The following COL25A1 variants were observed in gnomAD, a reference collection of about 807,000 sequenced individuals.
The protein encoded by COL25A1 is collagen type XXV alpha 1 chain, also known as collagen alpha-1(XXV) chain.
A neutral mutation model predicts 128.4 loss-of-function variants in COL25A1; 103 were observed. That is an observed-to-expected ratio of 0.80 (90% CI 0.68 to 0.94). COL25A1 has a LOEUF of 0.94. COL25A1 is among the 40% of genes least tolerant of loss of function. The pLI is 0.00. For synonymous variants in COL25A1, 279 were observed against 277.2 expected, an observed-to-expected ratio of 1.01 and a Z score of -0.06; for missense variants, 745 against 840.0, an observed-to-expected ratio of 0.89 and a Z score of 1.40.
At position 108,844,511 on chromosome 4, in the gene COL25A1, A is replaced by G. The variant is rs749074066; in HGVS notation, c.1629+8T>C. The G allele has an allele frequency of 6.2e-7, 1 of 1,614,120 alleles. No individual in the cohort carries two copies. ...AGCAATTACATTTCAGAAAGAAGGG[A>G]AACTTACCATGGGGCCAGGTGGGCC... On this transcript the variant is annotated splice_region_variant and intron_variant, in intron 30 of 37. Transcript: ENST00000399132.
At chr4:109,044,803 A>G (rs1406196789) in intron 5 of COL25A1, among the ~76,000 whole-genome samples, 2 of 152,138 alleles carry the variant, frequency 1.3e-5, no homozygotes, top group East Asian at 3.8e-4. Context: ...ACTTGAGGAG[A>G]TAGTTGAATA....
intron 3 of COL25A1, among the ~76,000 whole-genome samples, chr4:109,252,387 T>C (rs570976026): frequency 6.6e-6 from 1 of 152,202 alleles, no homozygotes; most frequent in African/African-American, 2.4e-5. Context: ...GCTGAGCCCA[T>C]GTATAACCTC....
chr4:109,164,920 T>C (rs562926678), intron 3 of COL25A1, among the ~76,000 whole-genome samples: 43 of 152,308 alleles, frequency 2.8e-4, no homozygotes, highest in African/African-American at 9.9e-4. Flanking sequence ...CTAAGTCTGG[T>C]TGGATGTCTT....
intron 11 of COL25A1, among the ~76,000 whole-genome samples, chr4:108,921,175 T>C (rs1159341737): frequency 2.0e-5 from 3 of 152,162 alleles, no homozygotes; most frequent in Non-Finnish European, 4.4e-5. Context: ...GAGTATATAC[T>C]AGAAAAGGGA....
intron 5 of COL25A1, among the ~76,000 whole-genome samples, chr4:109,020,507 G>A (rs1215066030): frequency 2.8e-3 from 1 of 354 alleles, no homozygotes; most frequent in African/African-American, 6.2e-3. Context: ...AGATTATTAT[G>A]GGGGGGGGGG....
intron 6 of COL25A1, among the ~76,000 whole-genome samples, chr4:108,979,289 T>C (rs1348827965): frequency 3.3e-5 from 5 of 152,224 alleles, no homozygotes; most frequent in African/African-American, 1.2e-4. Context: ...TCCTATGCTC[T>C]ATTGTCTATT....
At chr4:109,083,045 TA>T (rs1763995289) in intron 3 of COL25A1, among the ~76,000 whole-genome samples, 1 of 152,186 alleles carries the variant, frequency 6.6e-6, no homozygotes, top group Admixed American at 6.5e-5. Context: ...ATTTCTAAAA[TA>T]AAACTTTGTA....
chr4:109,237,619 A>G (rs985812712), intron 3 of COL25A1, among the ~76,000 whole-genome samples: 6 of 148,970 alleles, frequency 4.0e-5, no homozygotes, highest in Non-Finnish European at 2.9e-5. Context: ...CTTGATGGCA[A>G]TCTTTTTTTT....
chr4:109,225,996 TACACAC>T lies in COL25A1; in HGVS notation c.367+74581_367+74586del, dbSNP rs10642927. ...CAATAGTATTCCGTTGTATTTGTAA[TACACAC>T]ACACACACACACACACACACACACA... On this transcript the variant is annotated intron_variant, in intron 3 of 37. Coordinates refer to ENST00000399132, the MANE Select transcript of COL25A1 (RefSeq NM_198721.4). Among the ~76,000 whole-genome samples, 469 of 147,048 alleles carry T rather than the reference TACACAC, an allele frequency of 3.2e-3. 1 individual carries two copies. Among genetic ancestry groups the T allele is most frequent in the East Asian group, 9.1e-3 (46 of 5,044 alleles).
rs927503572 is a variant in COL25A1, at chr4:109,302,169, C to T, written c.-57G>A. ...GTCAAGCCCACGAGCGGATACGGACCCCTGCCTTGCTCAGCGTCCAGACCC... is the reference window on the plus strand; with the variant it reads ...GTCAAGCCCACGAGCGGATACGGACTCCTGCCTTGCTCAGCGTCCAGACCC... On this transcript the variant is annotated splice_region_variant and 5_prime_UTR_variant, in exon 1 of 38. Transcript: ENST00000399132. The T allele has an allele frequency of 1.4e-5, 14 of 974,484 alleles. No homozygotes were observed. The highest frequency in any genetic ancestry group is 8.8e-5 in the Admixed American group (3 of 34,000). 60.4% of individuals were successfully genotyped at this position (974,484 alleles called of 1,614,324 possible).
At chr4:109,266,485 T>A (rs1171625763) in intron 3 of COL25A1, among the ~76,000 whole-genome samples, 1 of 152,140 alleles carries the variant, frequency 6.6e-6, no homozygotes, top group Non-Finnish European at 1.5e-5. Flanking sequence ...CCATTGACCC[T>A]AAAATATACT....
At chr4:109,246,126 A>C (rs560895313) in intron 3 of COL25A1, among the ~76,000 whole-genome samples, 3 of 152,170 alleles carry the variant, frequency 2.0e-5, no homozygotes, top group Non-Finnish European at 4.4e-5. Context: ...ATGAAAATAG[A>C]TACTATCATA....
intron 20 of COL25A1, among the ~76,000 whole-genome samples, chr4:108,868,584 G>T (rs531598252): frequency 7.5e-6 from 1 of 132,872 alleles, no homozygotes; most frequent in East Asian, 2.1e-4. Flanking sequence ...AGAGAAAGAA[G>T]GAAGGAAGGA....
Position 109,197,458 on chromosome 4 carries a change from AAATAT to A in COL25A1, c.367+103120_367+103124del, listed in dbSNP as rs1425486030. Among the ~76,000 whole-genome samples, 375 of 116,596 alleles carry A rather than the reference AAATAT, an allele frequency of 3.2e-3. 2 individuals are homozygous for A. Among genetic ancestry groups the A allele is most frequent in the Non-Finnish European group, 5.5e-3 (317 of 57,572 alleles). 76.5% of individuals were successfully genotyped at this position (116,596 alleles called of 152,430 possible). On this transcript the variant is annotated intron_variant, in intron 3 of 37. Transcript: ENST00000399132. ...ATTATATATTATATATATTATATAT[AAATAT>A]TATATATAATATATATTATATATTA...
rs1003577294 is a variant in COL25A1 at position 109,126,407 on chromosome 4, T to A, written c.368-76228A>T. Among the ~76,000 whole-genome samples the A allele has an allele frequency of 8.5e-5, 13 of 152,286 alleles. 1 individual carries two copies. Among genetic ancestry groups the A allele is most frequent in the African/African-American group, 2.9e-4 (12 of 41,576 alleles). On this transcript the variant is annotated intron_variant, in intron 3 of 37. Transcript: ENST00000399132. ...GGTAGAACAAAGCTTCCAAACCTGG[T>A]CTGCTTTGACTTGAGATCAAGAACT...
chr4:109,011,748 T>C (rs1756612802), intron 5 of COL25A1, among the ~76,000 whole-genome samples: 1 of 152,206 alleles, frequency 6.6e-6, no homozygotes, highest in South Asian at 2.1e-4. Flanking sequence ...GGCCTAGAAG[T>C]TTAAGCTGAC....
chr4:108,823,977 G>T lies in COL25A1; in HGVS notation c.1845+197C>A, dbSNP rs184083990. ...GATAATAATTTTTTCTTCTATGCCA[G>T]GCAGTGCCCTTATATCTGGCAGTAC... On this transcript the variant is annotated intron_variant, in intron 35 of 37. Coordinates refer to ENST00000399132, the MANE Select transcript of COL25A1 (RefSeq NM_198721.4). 2.2e-3 allele frequency: 3,393 copies of T among 1,515,586 alleles called. 3 individuals carry two copies. Among genetic ancestry groups the T allele is most frequent in the Middle Eastern group, 4.7e-3 (26 of 5,574 alleles). The allele number at this position is 1,515,586 out of a possible 1,614,324, so 93.9% of individuals were successfully genotyped here.
intron 31 of COL25A1, among the ~76,000 whole-genome samples, chr4:108,838,793 T>C (rs1475732379): frequency 1.3e-5 from 2 of 152,186 alleles, no homozygotes; most frequent in Non-Finnish European, 2.9e-5. Flanking sequence ...TTTTACTAAC[T>C]ATCCATCTGC....
In COL25A1 at chr4:108,884,958, AATG is replaced by A. The variant is rs143825773; in HGVS notation, c.976-739_976-737del. Among the ~76,000 whole-genome samples, 694 of 152,292 alleles carry A rather than the reference AATG, an allele frequency of 4.6e-3. 14 individuals are homozygous for A. The East Asian group carries it at 0.062, about 14-fold the overall frequency. The stretch of plus-strand genomic sequence containing the variant: ...TGTCTACATTATTTTAAGCCCAAAG[AATG>A]ATAATAAGAGGTTCCATTGCTTAGA... On this transcript the variant is annotated intron_variant, in intron 18 of 37. Transcript: ENST00000399132.
Sources: gnomAD v4.1 joint callset for allele counts (sites outside exome capture counted in the v4.1 genomes callset) on GRCh38, gnomAD v4.1.1 for gene constraint, MANE v1.5 for transcripts, NCBI Gene and HGNC (gene_info 2026-07-23, HGNC 2026-07-21) for gene names.